Variants in HORMAD2 observed in about 807,000 individuals in gnomAD.
The protein encoded by HORMAD2 is HORMA domain containing 2.
HORMAD2 carries 45 observed loss-of-function variants against 38.8 expected under a neutral mutation model. The observed-to-expected ratio is 1.16, with a 90% confidence interval of 0.91 to 1.49. HORMAD2 has a LOEUF of 1.49. HORMAD2 is among the 40% of genes most tolerant of loss of function. The probability of loss-of-function intolerance (pLI) is 0.00; values close to 1 mark genes in which losing one functional copy is unlikely to be tolerated. For missense variants in HORMAD2, 338 were observed against 367.0 expected (o/e 0.92, Z 0.65); for synonymous variants, 126 against 122.8 (o/e 1.03, Z -0.17).
At chr22:30,174,637 T>G (rs1427766051) in intron 10 of HORMAD2, among the ~76,000 whole-genome samples, 1 of 152,178 alleles carries the variant, frequency 6.6e-6, no homozygotes, top group Non-Finnish European at 1.5e-5. Flanking sequence ...GGTCAACTGG[T>G]CAGTTGAGAA....
At chr22:30,081,776 AG>A (rs1314737240) in intron 1 of HORMAD2, among the ~76,000 whole-genome samples, 2 of 151,794 alleles carry the variant, frequency 1.3e-5, no homozygotes, top group Non-Finnish European at 2.9e-5. Flanking sequence ...TAGTAGAGAC[AG>A]GGTTTCACCA....
chr22:30,134,834 T>G (rs1923549889), intron 10 of HORMAD2, among the ~76,000 whole-genome samples: 2 of 152,054 alleles, frequency 1.3e-5, no homozygotes, highest in Admixed American at 1.3e-4. Context: ...ATGGGCCAAA[T>G]CCCTGATTCA....
chr22:30,122,946 G>A (rs1037243774), intron 10 of HORMAD2, among the ~76,000 whole-genome samples: 1 of 152,164 alleles, frequency 6.6e-6, no homozygotes, highest in Non-Finnish European at 1.5e-5. Context: ...AGTAGGAAGG[G>A]ATGCTATAAG....
At chr22:30,136,555 T>C (rs1391894418) in intron 10 of HORMAD2, 1 of 152,314 alleles carries the variant, frequency 6.6e-6, no homozygotes, top group Non-Finnish European at 1.5e-5. Context: ...AATGAAGTCA[T>C]ATACTATGAT....
At chr22:30,170,223 C>T (rs1237559160) in intron 10 of HORMAD2, among the ~76,000 whole-genome samples, 1 of 152,110 alleles carries the variant, frequency 6.6e-6, no homozygotes, top group African/African-American at 2.4e-5. Flanking sequence ...TTTGCCAGAT[C>T]TGACTTGAAA....
At chr22:30,147,442 T>C (rs1416652106) in intron 10 of HORMAD2, among the ~76,000 whole-genome samples, 2 of 152,094 alleles carry the variant, frequency 1.3e-5, no homozygotes, top group Non-Finnish European at 2.9e-5. Context: ...CCTCAATCCT[T>C]ACCTCACATT....
In HORMAD2 at chr22:30,103,442, A is replaced by G; in HGVS notation, c.199A>G (p.Ser67Gly). ...CTGTGTTTCTGTTTTTGTAGACCTC[A>G]GTTTAAAAATCCTCCGAGAAGATAA... Reference protein sequence around the residue: ...SYGERHLDDLSLKILREDKKC... With the variant: ...SYGERHLDDLGLKILREDKKC... Residue 67 changes from serine (S) to glycine (G), a missense_variant, in exon 4 of 11, where the codon AGT (serine) becomes GGT (glycine). Ser to Gly is a moderately conservative substitution (Grantham distance 56). Coordinates refer to ENST00000336726, the MANE Select transcript of HORMAD2 (RefSeq NM_152510.4). 1 of 1,530,352 alleles carries G rather than the reference A, an allele frequency of 6.5e-7. No homozygotes were observed. Among genetic ancestry groups the G allele is most frequent in the Non-Finnish European group, 8.9e-7 (1 of 1,126,302 alleles). The allele number at this position is 1,530,352 out of a possible 1,614,324, so 94.8% of individuals were successfully genotyped here. A position where few individuals can be genotyped will look rare whatever the true frequency, so the allele number is the denominator to read the frequency against.
chr22:30,170,204 A>G (rs1310462414), intron 10 of HORMAD2, among the ~76,000 whole-genome samples: 1 of 152,182 alleles, frequency 6.6e-6, no homozygotes, highest in African/African-American at 2.4e-5. Flanking sequence ...TTTTCTCAAG[A>G]GAAAACATTT....
chr22:30,149,488 G>A (rs1049160738), intron 10 of HORMAD2, among the ~76,000 whole-genome samples: 2 of 152,166 alleles, frequency 1.3e-5, no homozygotes, highest in African/African-American at 2.4e-5. Context: ...GGACAATACT[G>A]GTCTAGATTG....
intron 1 of HORMAD2, among the ~76,000 whole-genome samples, chr22:30,082,934 CAAG>C (rs1367313404): frequency 4.6e-5 from 7 of 152,214 alleles, no homozygotes; most frequent in African/African-American, 1.7e-4. Context: ...GCCTCTTTCT[CAAG>C]AAGATCATAA....
chr22:30,167,973 TCA>T (rs752933725), intron 10 of HORMAD2, among the ~76,000 whole-genome samples: 3 of 152,176 alleles, frequency 2.0e-5, no homozygotes, highest in Admixed American at 2.0e-4. Context: ...CCCCCTCCCA[TCA>T]CACACAGTTA....
At chr22:30,130,396 G>A (rs1923189001) in intron 10 of HORMAD2, among the ~76,000 whole-genome samples, 1 of 151,930 alleles carries the variant, frequency 6.6e-6, no homozygotes, top group African/African-American at 2.4e-5. Context: ...TTGAAACTTA[G>A]GAATTCTTAA....
chr22:30,123,643 GTATT>G (rs71198526), intron 10 of HORMAD2, among the ~76,000 whole-genome samples: 45,683 of 145,094 alleles, frequency 0.31, 7,705 homozygotes, highest in Middle Eastern at 0.53. Context: ...CCTCAGCTAG[GTATT>G]TATTTATTTA....
intron 10 of HORMAD2, among the ~76,000 whole-genome samples, chr22:30,129,312 A>G (rs1160219969): frequency 6.6e-6 from 1 of 150,904 alleles, no homozygotes; most frequent in African/African-American, 2.4e-5. Context: ...ATAAAGACAT[A>G]TAAGATATAG....
At chr22:30,114,255 G>A (rs1302301195) in intron 7 of HORMAD2, among the ~76,000 whole-genome samples, 1 of 152,112 alleles carries the variant, frequency 6.6e-6, no homozygotes, top group Non-Finnish European at 1.5e-5. Flanking sequence ...TCCCCTTATG[G>A]GTAGATAGTG....
At chr22:30,164,930 T>C (rs1447309666) in intron 10 of HORMAD2, among the ~76,000 whole-genome samples, 1 of 152,252 alleles carries the variant, frequency 6.6e-6, no homozygotes, top group Non-Finnish European at 1.5e-5. Context: ...CATCCTTTGA[T>C]GCACAAAAGT....
chr22:30,147,514 T>A (rs12171250), intron 10 of HORMAD2, among the ~76,000 whole-genome samples: 30,866 of 151,956 alleles, frequency 0.2, 3,722 homozygotes, highest in Middle Eastern at 0.38. Context: ...ATTATAAAAC[T>A]TCTGGACGGA....
intron 2 of HORMAD2, among the ~76,000 whole-genome samples, chr22:30,096,615 C>T (rs1450355400): frequency 2.0e-5 from 3 of 151,796 alleles, no homozygotes; most frequent in Admixed American, 1.3e-4. Context: ...TTATGGGTGC[C>T]TTTTACCACA....
chr22:30,149,180 CT>C (rs1351730296), intron 10 of HORMAD2, among the ~76,000 whole-genome samples: 12 of 152,022 alleles, frequency 7.9e-5, no homozygotes, highest in Admixed American at 7.9e-4. Flanking sequence ...ATTGCTTTTC[CT>C]TTCTTGTACA....
Sources: gnomAD v4.1 joint callset for allele counts (sites outside exome capture counted in the v4.1 genomes callset) on GRCh38, gnomAD v4.1.1 for gene constraint, MANE v1.5 for transcripts, NCBI Gene and HGNC (gene_info 2026-07-23, HGNC 2026-07-21) for gene names.